Variants in KIAA0825 observed in about 807,000 individuals in gnomAD.
KIAA0825 encodes KIAA0825, also known as uncharacterized protein KIAA0825.
Under a neutral mutation model 147.6 loss-of-function variants are expected in KIAA0825, and 119 were observed. The observed-to-expected ratio is 0.81, with a 90% confidence interval of 0.69 to 0.94. KIAA0825 has a LOEUF of 0.94. Among genes scored for constraint, KIAA0825 ranks in the 40% least tolerant of loss-of-function variants. The pLI, the probability that KIAA0825 is intolerant of heterozygous loss-of-function variation, is 0.00. For missense variants in KIAA0825, 1,381 were observed against 1,472.7 expected (o/e 0.94, Z 1.02); for synonymous variants, 470 against 518.1 (o/e 0.91, Z 1.26).
At chr5:94,222,690 A>T (rs1773776114) in intron 20 of KIAA0825, among the ~76,000 whole-genome samples, 1 of 152,210 alleles carries the variant, frequency 6.6e-6, no homozygotes, top group Non-Finnish European at 1.5e-5. Context: ...AGCTCTTAAC[A>T]ATCATAAAAG....
intron 20 of KIAA0825, among the ~76,000 whole-genome samples, chr5:94,220,772 CT>C (rs1254331851): frequency 3.3e-5 from 5 of 152,196 alleles, no homozygotes; most frequent in African/African-American, 1.2e-4. Context: ...CACTAAGAAT[CT>C]GTGATAACAC....
chr5:94,560,760 G>C (rs373084039), intron 2 of KIAA0825, among the ~76,000 whole-genome samples: 3 of 152,120 alleles, frequency 2.0e-5, no homozygotes, highest in African/African-American at 7.2e-5. Flanking sequence ...TCGCAGATTT[G>C]GACATTATTT....
intron 20 of KIAA0825, among the ~76,000 whole-genome samples, chr5:94,225,000 A>C (rs1774033903): frequency 6.6e-6 from 1 of 152,182 alleles, no homozygotes; most frequent in African/African-American, 2.4e-5. Context: ...GATTGTCATA[A>C]GAGACCAAAC....
chr5:94,176,668 C>A (rs1229653344), intron 20 of KIAA0825, among the ~76,000 whole-genome samples: 2 of 152,048 alleles, frequency 1.3e-5, no homozygotes, highest in East Asian at 3.9e-4. Flanking sequence ...TAGACCAATG[C>A]TTCTTTCACA....
At position 94,439,965 on chromosome 5, in the gene KIAA0825, T is replaced by G. The variant is rs1411216741; in HGVS notation, c.2497+17A>C. The G allele has an allele frequency of 6.5e-7, 1 of 1,544,538 alleles. No homozygotes were observed. The highest frequency in any genetic ancestry group is 8.7e-7 in the Non-Finnish European group (1 of 1,144,044). ...ACTAGGTTTTTCGAGGACATTCTTA[T>G]AACTACACATACTCACTTGAGCTCT... On this transcript the variant is annotated intron_variant, in intron 14 of 20. Coordinates refer to ENST00000682413, the MANE Select transcript of KIAA0825 (RefSeq NM_001145678.3).
chr5:94,373,931 T>C (rs1406513408), intron 20 of KIAA0825, among the ~76,000 whole-genome samples: 1 of 152,202 alleles, frequency 6.6e-6, no homozygotes, highest in Non-Finnish European at 1.5e-5. Flanking sequence ...TAGTCATCAA[T>C]AAGCCTTACA....
chr5:94,319,856 C>A (rs1293154296), intron 20 of KIAA0825, among the ~76,000 whole-genome samples: 1 of 151,882 alleles, frequency 6.6e-6, no homozygotes, highest in Non-Finnish European at 1.5e-5. Context: ...CAAAGACTTG[C>A]TATCATACAA....
intron 20 of KIAA0825, among the ~76,000 whole-genome samples, chr5:94,355,531 A>G (rs909733856): frequency 1.3e-5 from 2 of 152,210 alleles, no homozygotes; most frequent in African/African-American, 4.8e-5. Flanking sequence ...GACCCGTTAG[A>G]TAGGAATTTG....
chr5:94,349,027 A>C (rs1386322806), intron 20 of KIAA0825, among the ~76,000 whole-genome samples: 1 of 152,046 alleles, frequency 6.6e-6, no homozygotes, highest in Non-Finnish European at 1.5e-5. Context: ...AGAACTCACC[A>C]ACCAACTATC....
intron 16 of KIAA0825, among the ~76,000 whole-genome samples, chr5:94,400,138 C>T (rs1031920231): frequency 3.9e-5 from 6 of 151,986 alleles, no homozygotes; most frequent in African/African-American, 7.2e-5. Context: ...TGTTAACTAC[C>T]GAATAGGTGA....
intron 13 of KIAA0825, among the ~76,000 whole-genome samples, chr5:94,449,896 T>C (rs1758183129): frequency 6.6e-6 from 1 of 152,074 alleles, no homozygotes; most frequent in African/African-American, 2.4e-5. Flanking sequence ...CTGGCCAACA[T>C]GGTGAAACCC....
intron 5 of KIAA0825, among the ~76,000 whole-genome samples, chr5:94,506,939 T>C (rs1406251814): frequency 2.0e-5 from 3 of 152,126 alleles, no homozygotes; most frequent in Admixed American, 6.5e-5. Flanking sequence ...ATCTAGACAC[T>C]TGAGGTGATA....
chr5:94,318,641 T>TTTA (rs1779876937), intron 20 of KIAA0825, among the ~76,000 whole-genome samples: 2 of 151,896 alleles, frequency 1.3e-5, no homozygotes, highest in South Asian at 4.1e-4. Flanking sequence ...CAGATGCAAA[T>TTTA]TTATTTCCTT....
chr5:94,186,940 T>TA (rs1316168868), intron 20 of KIAA0825, among the ~76,000 whole-genome samples: 1 of 152,166 alleles, frequency 6.6e-6, no homozygotes, highest in African/African-American at 2.4e-5. Context: ...AGAAGTCATG[T>TA]AGTAGAGCCA....
intron 20 of KIAA0825, among the ~76,000 whole-genome samples, chr5:94,295,026 G>T (rs1273474186): frequency 1.3e-5 from 2 of 152,060 alleles, no homozygotes; most frequent in Non-Finnish European, 2.9e-5. Flanking sequence ...TTCTAACTTG[G>T]TTCCATTCAC....
At chr5:94,590,111 T>A (rs2152388532) in intron 1 of KIAA0825, among the ~76,000 whole-genome samples, 1 of 152,190 alleles carries the variant, frequency 6.6e-6, no homozygotes, top group South Asian at 2.1e-4. Flanking sequence ...TGCCTCAGCA[T>A]CCCCATTAGA....
intron 20 of KIAA0825, among the ~76,000 whole-genome samples, chr5:94,285,224 A>G (rs1777617511): frequency 6.6e-6 from 1 of 152,180 alleles, no homozygotes; most frequent in Admixed American, 6.6e-5. Flanking sequence ...AAGGCAAGTA[A>G]GTTTATCTAT....
At chr5:94,462,983 A>T (rs929684538) in intron 11 of KIAA0825, among the ~76,000 whole-genome samples, 5 of 151,856 alleles carry the variant, frequency 3.3e-5, no homozygotes, top group African/African-American at 1.2e-4. Flanking sequence ...AATTCTCCTC[A>T]CTCATATGTA....
chr5:94,333,612 C>G (rs980996878), intron 20 of KIAA0825, among the ~76,000 whole-genome samples: 1 of 152,134 alleles, frequency 6.6e-6, no homozygotes, highest in Non-Finnish European at 1.5e-5. Flanking sequence ...CAGGACCATG[C>G]TGTCTTGGTT....
Sources: allele counts gnomAD v4.1 joint callset (sites outside exome capture counted in the v4.1 genomes callset), GRCh38; gene constraint gnomAD v4.1.1; transcripts MANE v1.5; gene names NCBI Gene and HGNC (gene_info 2026-07-23, HGNC 2026-07-21).